The following HLA-DPB1 variants were observed in gnomAD, a reference collection of about 807,000 sequenced individuals.
The protein encoded by HLA-DPB1 is major histocompatibility complex, class II, DP beta 1.
In HLA-DPB1, 30 loss-of-function variants were observed where a neutral mutation model predicts 29.4. The ratio of observed to expected loss-of-function variants is 1.02; its 90% CI spans 0.76 to 1.38. The LOEUF (loss-of-function observed/expected upper bound fraction) is 1.38. Ranked by LOEUF, HLA-DPB1 falls within the 40% of genes most tolerant of loss-of-function variation. The pLI, the probability that HLA-DPB1 is intolerant of heterozygous loss-of-function variation, is 0.00. For synonymous variants in HLA-DPB1, 114 were observed against 134.0 expected (o/e 0.85, Z 1.03); for missense variants, 261 against 327.5 (o/e 0.80, Z 1.57).
chr6:33,081,028 G>A (rs1762839197), intron 2 of HLA-DPB1, 93 bp downstream of exon 2: 1 of 1,369,912 alleles, frequency 7.3e-7, no homozygotes, highest in Non-Finnish European at 9.6e-7. Context: ...AGGGACCTTA[G>A]TGCCGGGCGG....
chr6:33,087,752 G>A lies in HLA-DPB1; in HGVS notation c.*1218G>A, dbSNP rs936049650. Among the ~76,000 whole-genome samples the A allele has an allele frequency of 2.6e-5, 4 of 152,140 alleles. No individual in the cohort carries two copies. The highest frequency in any genetic ancestry group is 9.7e-5 in the African/African-American group (4 of 41,402). On this transcript the variant is annotated 3_prime_UTR_variant, in exon 6 of 6. Coordinates refer to ENST00000418931, the MANE Select transcript of HLA-DPB1 (RefSeq NM_002121.6). ...CTTCCTCCAATTTCAGGAGAGGTGGGGCTGAAGGCACAGACTTGGGCGTCA... is the reference window on the plus strand; with the variant it reads ...CTTCCTCCAATTTCAGGAGAGGTGGAGCTGAAGGCACAGACTTGGGCGTCA...
In HLA-DPB1 at chr6:33,086,868, A is replaced by G. The variant is rs1301853329; in HGVS notation, c.*334A>G. On this transcript the variant is annotated 3_prime_UTR_variant, in exon 6 of 6. Transcript: ENST00000418931. ...ACAGTAGGAGTTAATAAAGAAGTTCATTTTGGTTTAAACATAGGAAAGAAG... is the reference window on the plus strand; with the variant it reads ...ACAGTAGGAGTTAATAAAGAAGTTCGTTTTGGTTTAAACATAGGAAAGAAG... 1 of 291,386 alleles carries G rather than the reference A, an allele frequency of 3.4e-6. No homozygotes were observed. Among genetic ancestry groups the G allele is most frequent in the Admixed American group, 4.7e-5 (1 of 21,066 alleles). 18.1% of individuals were successfully genotyped at this position (291,386 alleles called of 1,614,324 possible).
chr6:33,085,686 G>A (rs1409216739), intron 3 of HLA-DPB1, 93 bp from the exon 4 acceptor site: 48 of 883,608 alleles, frequency 5.4e-5, no homozygotes, highest in South Asian at 2.3e-4. Context: ...TCCTCATCCC[G>A]ATATGCTGCA....
intron 3 of HLA-DPB1, 40 bp from the exon 4 acceptor site, chr6:33,085,739 C>G: frequency 7.7e-7 from 1 of 1,297,462 alleles, no homozygotes; most frequent in Middle Eastern, 1.9e-4. Flanking sequence ...AGGGATGCAG[C>G]TGGTGGAGGT....
chr6:33,082,838 G>A (rs747073584), intron 2 of HLA-DPB1, among the ~76,000 whole-genome samples: 3 of 152,190 alleles, frequency 2.0e-5, no homozygotes, highest in Non-Finnish European at 4.4e-5. Flanking sequence ...TTGGTGAAAT[G>A]TATTTGAACT....
At chr6:33,076,386 TG>T (rs200692832) in intron 1 of HLA-DPB1, among the ~76,000 whole-genome samples, 3,199 of 152,252 alleles carry the variant, frequency 0.021, 57 homozygotes, top group African/African-American at 0.033. Flanking sequence ...TCAGTGTCTT[TG>T]GGGAAAATGG....
In HLA-DPB1 at chr6:33,089,524, A is replaced by G. The variant is rs1423148933; in HGVS notation, c.*2990A>G. On this transcript the variant is annotated 3_prime_UTR_variant, in exon 6 of 6. Coordinates refer to ENST00000418931, the MANE Select transcript of HLA-DPB1 (RefSeq NM_002121.6). ...CCCAGCAGAATGAAGGGAACCTAAG[A>G]ATTTATTCACTGGCTTTTAATGATC... is the stretch of plus-strand genomic sequence containing the variant. Among the ~76,000 whole-genome samples the G allele has an allele frequency of 6.6e-6, 1 of 152,146 alleles. No individual in the cohort carries two copies. The highest frequency in any genetic ancestry group is 1.5e-5 in the Non-Finnish European group (1 of 68,010).
At position 33,080,796 on chromosome 6, in the gene HLA-DPB1, G is replaced by A. The variant is rs1762809660; in HGVS notation, c.225G>A (p.Arg75=). ...ARFDSDVGEF[R]AVTELGRPAA... ...TCGACAGCGACGTGGGGGAGTTCCG[G>A]GCGGTGACGGAGCTGGGGCGGCCTG... The change falls in exon 2 of 6, where the codon CGG becomes CGA. Residue 75 remains arginine (R), a synonymous_variant. Transcript: ENST00000418931. This position sits in a 1 kb window ranked among gnomAD's most constrained non-coding sequence, Gnocchi z 4.3. The A allele has an allele frequency of 6.2e-7, 1 of 1,613,518 alleles. No homozygotes were observed. The highest frequency in any genetic ancestry group is 1.7e-5 in the Admixed American group (1 of 59,968).
In HLA-DPB1 at chr6:33,086,248, A is replaced by G; in HGVS notation, c.*4+6A>G. Reference sequence around the variant, plus strand: ...ACGAGGATCTGCATAAACAGGTAATATTCCTGCTTTGATTTCCTTGTGGGG... The same window carrying G: ...ACGAGGATCTGCATAAACAGGTAATGTTCCTGCTTTGATTTCCTTGTGGGG... On this transcript the variant is annotated splice_donor_region_variant and intron_variant, in intron 5 of 5. Coordinates refer to ENST00000418931, the MANE Select transcript of HLA-DPB1 (RefSeq NM_002121.6). The G allele has an allele frequency of 6.3e-7, 1 of 1,579,854 alleles. No homozygotes were observed.
chr6:33,078,259 G>C (rs1231821162), intron 1 of HLA-DPB1, among the ~76,000 whole-genome samples: 1 of 152,146 alleles, frequency 6.6e-6, no homozygotes, highest in Admixed American at 6.5e-5. Flanking sequence ...AGGGACTGAG[G>C]GTAGATTACT....
In HLA-DPB1 at chr6:33,086,893, G is replaced by A. The variant is rs568686979; in HGVS notation, c.*359G>A. 240 of 279,758 alleles carry A rather than the reference G, an allele frequency of 8.6e-4. 10 individuals are homozygous for A. The highest frequency in any genetic ancestry group is 6.4e-3 in the South Asian group (182 of 28,542). 17.3% of individuals were successfully genotyped at this position (279,758 alleles called of 1,614,324 possible). A position where few individuals can be genotyped will look rare whatever the true frequency, so the allele number is the denominator to read the frequency against. ...ATTTTGGTTTAAACATAGGAAAGAA[G>A]AGAACCATGAAAATGGGGATATGTT... On this transcript the variant is annotated 3_prime_UTR_variant, in exon 6 of 6. Transcript: ENST00000418931.
chr6:33,089,551 C>T lies in HLA-DPB1; in HGVS notation c.*3017C>T, dbSNP rs1316513604. On this transcript the variant is annotated 3_prime_UTR_variant, in exon 6 of 6. Transcript: ENST00000418931. ...TTTATTCACTGGCTTTTAATGATCCCTCCTAGAAAGAACACACTTCTCGCA... is the reference window on the plus strand; with the variant it reads ...TTTATTCACTGGCTTTTAATGATCCTTCCTAGAAAGAACACACTTCTCGCA... Among the ~76,000 whole-genome samples the T allele has an allele frequency of 6.6e-6, 1 of 152,174 alleles. No individual in the cohort carries two copies. The highest frequency in any genetic ancestry group is 1.5e-5 in the Non-Finnish European group (1 of 68,018).
intron 4 of HLA-DPB1, 65 bp downstream of exon 4, chr6:33,085,954 T>C (rs762755629): frequency 9.3e-7 from 1 of 1,072,062 alleles, no homozygotes; most frequent in South Asian, 1.5e-5. Flanking sequence ...TATTCCACGA[T>C]GAGGGGTTTG....
rs9277469 is a variant in HLA-DPB1 at position 33,085,691 on chromosome 6, G to T, written c.647-88G>T. ...CGCTGCACTGTCCTCATCCCGATAT[G>T]CTGCATCAGGCTCCAGAATCTCAGA... On this transcript the variant is annotated intron_variant, in intron 3 of 5. Coordinates refer to ENST00000418931, the MANE Select transcript of HLA-DPB1 (RefSeq NM_002121.6). 0.32 allele frequency: 286,694 copies of T among 904,980 alleles called. 50,609 individuals are homozygous for T. The highest frequency in any genetic ancestry group is 0.6 in the East Asian group (24,532 of 40,832). 56.1% of individuals were successfully genotyped at this position (904,980 alleles called of 1,614,324 possible). A position where few individuals can be genotyped will look rare whatever the true frequency, so the allele number is the denominator to read the frequency against.
Position 33,080,983 on chromosome 6 carries a change from C to G in HLA-DPB1, c.364+48C>G, listed in dbSNP as rs750949665. 4.0e-6 allele frequency: 6 copies of G among 1,515,340 alleles called. No individual in the cohort carries two copies. The highest frequency in any genetic ancestry group is 2.8e-5 in the African/African-American group (2 of 72,572). The allele number at this position is 1,515,340 out of a possible 1,614,324, so 93.9% of individuals were successfully genotyped here. On this transcript the variant is annotated intron_variant, in intron 2 of 5. Coordinates refer to ENST00000418931, the MANE Select transcript of HLA-DPB1 (RefSeq NM_002121.6). This position sits in a 1 kb window ranked among gnomAD's most constrained non-coding sequence, Gnocchi z 4.3. ...CGGTCCCAGGGCAGCCCCGCGGGCC[C>G]GTGCCCAGGGCGCAGGAGCAGCCGG... is the stretch of plus-strand genomic sequence containing the variant.
intron 1 of HLA-DPB1, among the ~76,000 whole-genome samples, chr6:33,077,612 G>A (rs1337076640): frequency 6.6e-6 from 1 of 152,150 alleles, no homozygotes; most frequent in Non-Finnish European, 1.5e-5. Flanking sequence ...TGGTGGGACT[G>A]TAAACTAGTT....
chr6:33,085,071 A>G lies in HLA-DPB1; in HGVS notation c.486A>G (p.Gly162=). The change falls in exon 3 of 6, where the codon GGA becomes GGG. Residue 162 remains glycine (G), a synonymous_variant. Transcript: ENST00000418931. ...GSIQVRWFLN[G]QEETAGVVST... Reference sequence around the variant, plus strand: ...TTCAAGTCCGATGGTTCCTGAATGGACAGGAGGAAACAGCTGGGGTCGTGT... The same window carrying G: ...TTCAAGTCCGATGGTTCCTGAATGGGCAGGAGGAAACAGCTGGGGTCGTGT... 2 of 1,613,730 alleles carry G rather than the reference A, an allele frequency of 1.2e-6. No homozygotes were observed. Among genetic ancestry groups the G allele is most frequent in the Non-Finnish European group, 1.7e-6 (2 of 1,180,000 alleles).
chr6:33,076,571 A>G (rs998458376), intron 1 of HLA-DPB1, among the ~76,000 whole-genome samples: 1 of 152,184 alleles, frequency 6.6e-6, no homozygotes, highest in Non-Finnish European at 1.5e-5. Context: ...GTGCTCACGA[A>G]GAATGCCTCT....
Position 33,080,971 on chromosome 6 carries a change from G to C in HLA-DPB1, c.364+36G>C, listed in dbSNP as rs1216558574. 1.3e-6 allele frequency: 2 copies of C among 1,531,846 alleles called. No individual in the cohort carries two copies. Among genetic ancestry groups the C allele is most frequent in the South Asian group, 2.5e-5 (2 of 79,230 alleles). 94.9% of individuals were successfully genotyped at this position (1,531,846 alleles called of 1,614,324 possible). ...GCTTTGGGCCGGCGGTCCCAGGGCA[G>C]CCCCGCGGGCCCGTGCCCAGGGCGC... On this transcript the variant is annotated intron_variant, in intron 2 of 5. Transcript: ENST00000418931. The surrounding 1 kb of genome is among the most constrained non-coding windows in gnomAD (Gnocchi z 4.3).
Sources: allele counts gnomAD v4.1 joint callset (sites outside exome capture counted in the v4.1 genomes callset), GRCh38; gene constraint gnomAD v4.1.1; non-coding constraint Gnocchi (gnomAD v3.1); transcripts MANE v1.5; gene names NCBI Gene and HGNC (gene_info 2026-07-23, HGNC 2026-07-21).